PABIR1: variants seen among roughly 807,000 people sequenced by gnomAD.
PABIR1 encodes the protein PPP2R1A-PPP2R2A-interacting phosphatase regulator 1.
A neutral mutation model predicts 14.6 loss-of-function variants in PABIR1; 2 were observed. The observed-to-expected ratio is 0.14, with a 90% CI of 0.06 to 0.43. PABIR1 has a LOEUF of 0.43. Ranked by LOEUF, PABIR1 falls within the 20% of genes least tolerant of loss-of-function variation. PABIR1 has a pLI of 0.99. For synonymous variants in PABIR1, 163 were observed against 155.4 expected (o/e 1.05, Z -0.36); for missense variants, 294 against 379.0 (o/e 0.78, Z 1.86).
rs77756939 is a variant in PABIR1, at chr9:68,780,954, A to G, written c.790A>G (p.Thr264Ala). Residue 264 changes from threonine (T) to alanine (A), a missense_variant, in exon 1 of 1, where the codon ACC becomes GCC. Thr to Ala is a moderately conservative substitution (Grantham distance 58, BLOSUM62 0). Around this residue, in one of 3 missense-constraint regions of PABIR1, gnomAD observed 95 missense variants for 100.8 expected, o/e 0.94. Coordinates refer to ENST00000394264, the MANE Select transcript of PABIR1 (RefSeq NM_138333.5). Reference sequence around the variant, plus strand: ...TAACTCACCAGCGAAAGTCAGCACTACCACCGACTCTCCTGTGTCACCTGC... The same window carrying G: ...TAACTCACCAGCGAAAGTCAGCACTGCCACCGACTCTCCTGTGTCACCTGC... ...SCNSPAKVST[T>A]TDSPVSPAQA... 1.9e-6 allele frequency: 3 copies of G among 1,613,830 alleles called. No individual in the cohort carries two copies. Among genetic ancestry groups the G allele is most frequent in the Non-Finnish European group, 2.5e-6 (3 of 1,179,858 alleles).
Position 68,783,831 on chromosome 9 carries a change from G to A in PABIR1, c.*2803G>A, listed in dbSNP as rs1157551154. On this transcript the variant is annotated 3_prime_UTR_variant, in exon 1 of 1. Coordinates refer to ENST00000394264, the MANE Select transcript of PABIR1 (RefSeq NM_138333.5). The stretch of plus-strand genomic sequence containing the variant: ...CCATTCATTCTCCATACAGCAACTA[G>A]AGTCATTCTTTTAAAATTGCGGACC... 6.0e-6 allele frequency: 1 copy of A among 167,052 alleles called. No individual in the cohort carries two copies. Among genetic ancestry groups the A allele is most frequent in the East Asian group, 1.9e-4 (1 of 5,206 alleles). The allele number at this position is 167,052 out of a possible 1,614,324, so 10.3% of individuals were successfully genotyped here. A position where few individuals can be genotyped will look rare whatever the true frequency, so the allele number is the denominator to read the frequency against.
In PABIR1 at chr9:68,780,391, C is replaced by G. The variant is rs150215109; in HGVS notation, c.227C>G (p.Ser76Cys). Residue 76 changes from serine to cysteine, a missense_variant, in exon 1 of 1, where the codon TCC (serine) becomes TGC (cysteine). By Grantham distance (112) the Ser-to-Cys change is moderately radical. This residue lies in a region of PABIR1 where 103 missense variants were observed against 175.9 expected (regional missense o/e 0.59). Coordinates refer to ENST00000394264, the MANE Select transcript of PABIR1 (RefSeq NM_138333.5). ...CGCCACGGCCTGCTGCTGCCGGCCT[C>G]CCCTGTCCGCATGCACAGCAGCCGC... Reference protein sequence around the residue: ...PSRHGLLLPASPVRMHSSRLH... With the variant: ...PSRHGLLLPACPVRMHSSRLH... The G allele has an allele frequency of 6.2e-7, 1 of 1,613,874 alleles. No individual in the cohort carries two copies. The highest frequency in any genetic ancestry group is 8.5e-7 in the Non-Finnish European group (1 of 1,180,040).
Position 68,782,016 on chromosome 9 carries a change from C to T in PABIR1, c.*988C>T, listed in dbSNP as rs1251326376. On this transcript the variant is annotated 3_prime_UTR_variant, in exon 1 of 1. Coordinates refer to ENST00000394264, the MANE Select transcript of PABIR1 (RefSeq NM_138333.5). The stretch of plus-strand genomic sequence containing the variant: ...AGAAATTATTGCCAAACAGGAGCCA[C>T]AGCAATTTTTGGCTACTTTTCTGCT... 1 of 167,036 alleles carries T rather than the reference C, an allele frequency of 6.0e-6. No individual in the cohort carries two copies. Among genetic ancestry groups the T allele is most frequent in the Non-Finnish European group, 1.5e-5 (1 of 68,110 alleles). The allele number at this position is 167,036 out of a possible 1,614,324, so 10.3% of individuals were successfully genotyped here. A position where few individuals can be genotyped will look rare whatever the true frequency, so the allele number is the denominator to read the frequency against.
rs1831562993 is a variant in PABIR1, at chr9:68,785,555, A to T, written c.*4527A>T. Reference sequence around the variant, plus strand: ...TATAAAAAGTAATAAAATACTTGCTATGTGTCAGGGACTGTTCTAAGTGCT... The same window carrying T: ...TATAAAAAGTAATAAAATACTTGCTTTGTGTCAGGGACTGTTCTAAGTGCT... On this transcript the variant is annotated 3_prime_UTR_variant, in exon 1 of 1. Transcript: ENST00000394264. Among the ~76,000 whole-genome samples, 1 of 152,216 alleles carries T rather than the reference A, an allele frequency of 6.6e-6. No homozygotes were observed. The highest frequency in any genetic ancestry group is 2.1e-4 in the South Asian group (1 of 4,836).
Position 68,783,609 on chromosome 9 carries a change from A to T in PABIR1, c.*2581A>T, listed in dbSNP as rs1027417323. On this transcript the variant is annotated 3_prime_UTR_variant, in exon 1 of 1. Transcript: ENST00000394264. ...TATAAATGCAGGAAACCAACATGTC[A>T]TTGACACCTCTCTTCTTTACTTTTC... 6.0e-6 allele frequency: 1 copy of T among 166,964 alleles called. No individual in the cohort carries two copies. Among genetic ancestry groups the T allele is most frequent in the African/African-American group, 2.4e-5 (1 of 41,448 alleles). 10.3% of individuals were successfully genotyped at this position (166,964 alleles called of 1,614,324 possible).
rs1451637648 is a variant in PABIR1 at position 68,784,161 on chromosome 9, A to T, written c.*3133A>T. 1.8e-5 allele frequency: 3 copies of T among 167,098 alleles called. No individual in the cohort carries two copies. Among genetic ancestry groups the T allele is most frequent in the Non-Finnish European group, 4.4e-5 (3 of 68,122 alleles). The allele number at this position is 167,098 out of a possible 1,614,324, so 10.4% of individuals were successfully genotyped here. ...TAAGGGCATGTGGACAATTTACGTT[A>T]TCATAGTATTGTTCATAACGTCCAT... is the stretch of plus-strand genomic sequence containing the variant. On this transcript the variant is annotated 3_prime_UTR_variant, in exon 1 of 1. Coordinates refer to ENST00000394264, the MANE Select transcript of PABIR1 (RefSeq NM_138333.5).
In PABIR1 at chr9:68,783,099, A is replaced by G. The variant is rs1013090832; in HGVS notation, c.*2071A>G. On this transcript the variant is annotated 3_prime_UTR_variant, in exon 1 of 1. Coordinates refer to ENST00000394264, the MANE Select transcript of PABIR1 (RefSeq NM_138333.5). ...CAGTCTTTATACTGCCTCTTGAGTAATCTTTCTGAAATTTAAACTTGATAT... is the reference window on the plus strand; with the variant it reads ...CAGTCTTTATACTGCCTCTTGAGTAGTCTTTCTGAAATTTAAACTTGATAT... 1.8e-4 allele frequency: 30 copies of G among 166,884 alleles called. No homozygotes were observed. The highest frequency in any genetic ancestry group is 7.2e-4 in the African/African-American group (30 of 41,400). The allele number at this position is 166,884 out of a possible 1,614,324, so 10.3% of individuals were successfully genotyped here.
Position 68,780,248 on chromosome 9 carries a change from C to T in PABIR1, c.84C>T (p.Gly28=). 1 of 1,543,022 alleles carries T rather than the reference C, an allele frequency of 6.5e-7. No homozygotes were observed. The change falls in exon 1 of 1, where the codon GGC becomes GGT. Residue 28 remains glycine (G), a synonymous_variant. Transcript: ENST00000394264. ...GSPAEGGGSG[G]GGGLRRSNSA... is the part of the protein sequence containing the mutation. Reference sequence around the variant, plus strand: ...CGGCGGAGGGCGGTGGCAGCGGCGGCGGCGGGGGCCTCAGGAGGTCTAACA... The same window carrying T: ...CGGCGGAGGGCGGTGGCAGCGGCGGTGGCGGGGGCCTCAGGAGGTCTAACA...
rs1237119418 is a variant in PABIR1, at chr9:68,783,788, C to T, written c.*2760C>T. 1.2e-5 allele frequency: 2 copies of T among 167,044 alleles called. No individual in the cohort carries two copies. The highest frequency in any genetic ancestry group is 4.8e-5 in the African/African-American group (2 of 41,468). The allele number at this position is 167,044 out of a possible 1,614,324, so 10.3% of individuals were successfully genotyped here. A position where few individuals can be genotyped will look rare whatever the true frequency, so the allele number is the denominator to read the frequency against. On this transcript the variant is annotated 3_prime_UTR_variant, in exon 1 of 1. Coordinates refer to ENST00000394264, the MANE Select transcript of PABIR1 (RefSeq NM_138333.5). ...CTAACTCCCACTTGTGCTCCTCACA[C>T]TCACTCTGGTCGGCTATCCATTCAT... is the stretch of plus-strand genomic sequence containing the variant.
rs1831320125 is a variant in PABIR1 at position 68,782,044 on chromosome 9, G to A, written c.*1016G>A. The A allele has an allele frequency of 6.0e-6, 1 of 167,050 alleles. No homozygotes were observed. The highest frequency in any genetic ancestry group is 1.5e-5 in the Non-Finnish European group (1 of 68,118). The allele number at this position is 167,050 out of a possible 1,614,324, so 10.3% of individuals were successfully genotyped here. The stretch of plus-strand genomic sequence containing the variant: ...CAATTTTTGGCTACTTTTCTGCTCT[G>A]CCCATCTGTCACCTTACTGGTTTTC... On this transcript the variant is annotated 3_prime_UTR_variant, in exon 1 of 1. Coordinates refer to ENST00000394264, the MANE Select transcript of PABIR1 (RefSeq NM_138333.5).
Position 68,784,051 on chromosome 9 carries a change from T to C in PABIR1, c.*3023T>C, listed in dbSNP as rs1261404535. On this transcript the variant is annotated 3_prime_UTR_variant, in exon 1 of 1. Transcript: ENST00000394264. Reference sequence around the variant, plus strand: ...ACATCATGTTCTCTCCTATTTTAGATCCTTTTCCCCGAAGGTATGGAAACA... The same window carrying C: ...ACATCATGTTCTCTCCTATTTTAGACCCTTTTCCCCGAAGGTATGGAAACA... The C allele has an allele frequency of 6.0e-6, 1 of 167,146 alleles. No homozygotes were observed. Among genetic ancestry groups the C allele is most frequent in the Non-Finnish European group, 1.5e-5 (1 of 68,132 alleles). The allele number at this position is 167,146 out of a possible 1,614,324, so 10.4% of individuals were successfully genotyped here. A position where few individuals can be genotyped will look rare whatever the true frequency, so the allele number is the denominator to read the frequency against.
rs752196730 is a variant in PABIR1 at position 68,782,416 on chromosome 9, A to C, written c.*1388A>C. The C allele has an allele frequency of 6.0e-6, 1 of 166,834 alleles. No homozygotes were observed. The highest frequency in any genetic ancestry group is 2.1e-4 in the South Asian group (1 of 4,832). The allele number at this position is 166,834 out of a possible 1,614,324, so 10.3% of individuals were successfully genotyped here. ...AAAATGTTTAATAAGAATAGCAAAA[A>C]TTTTTTTATATTATGCATCCTTATA... On this transcript the variant is annotated 3_prime_UTR_variant, in exon 1 of 1. Coordinates refer to ENST00000394264, the MANE Select transcript of PABIR1 (RefSeq NM_138333.5).
rs1414285515 is a variant in PABIR1 at position 68,785,173 on chromosome 9, G to C, written c.*4145G>C. 6.6e-6 allele frequency among the ~76,000 whole-genome samples: 1 copy of C among 152,204 alleles called. No individual in the cohort carries two copies. The highest frequency in any genetic ancestry group is 1.5e-5 in the Non-Finnish European group (1 of 68,028). On this transcript the variant is annotated 3_prime_UTR_variant, in exon 1 of 1. Transcript: ENST00000394264. ...TTAAGTGGGTACTAGGTAAAGCCCA[G>C]TGTGTGAAGTAGTTAAGGGTTCTGC... is the stretch of plus-strand genomic sequence containing the variant.
At position 68,780,265 on chromosome 9, in the gene PABIR1, G is replaced by A; in HGVS notation, c.101G>A (p.Arg34Lys). 6.4e-7 allele frequency: 1 copy of A among 1,565,796 alleles called. No individual in the cohort carries two copies. Among genetic ancestry groups the A allele is most frequent in the Non-Finnish European group, 8.6e-7 (1 of 1,160,008 alleles). Residue 34 changes from arginine to lysine, a missense_variant, in exon 1 of 1, where the codon AGG becomes AAG. Coordinates refer to ENST00000394264, the MANE Select transcript of PABIR1 (RefSeq NM_138333.5). ...GGSGGGGGLR[R>K]SNSAPLIHGL... The stretch of plus-strand genomic sequence containing the variant: ...AGCGGCGGCGGCGGGGGCCTCAGGA[G>A]GTCTAACAGCGCCCCCCTGATCCAC...
rs1831386337 is a variant in PABIR1, at chr9:68,783,002, CTGT to C, written c.*1977_*1979del. ...ATCTCAAATTTCTTCCCTTCTCTAT[CTGT>C]TGCCCCTGATTTTGCCTTAAGTTCT... On this transcript the variant is annotated 3_prime_UTR_variant, in exon 1 of 1. Coordinates refer to ENST00000394264, the MANE Select transcript of PABIR1 (RefSeq NM_138333.5). The C allele has an allele frequency of 6.0e-6, 1 of 167,146 alleles. No individual in the cohort carries two copies. Among genetic ancestry groups the C allele is most frequent in the Non-Finnish European group, 1.5e-5 (1 of 68,154 alleles). The allele number at this position is 167,146 out of a possible 1,614,324, so 10.4% of individuals were successfully genotyped here.
Position 68,785,397 on chromosome 9 carries a change from C to A in PABIR1, c.*4369C>A, listed in dbSNP as rs1831552235. On this transcript the variant is annotated 3_prime_UTR_variant, in exon 1 of 1. Coordinates refer to ENST00000394264, the MANE Select transcript of PABIR1 (RefSeq NM_138333.5). ...GCTGTTAGAGAATCAGGGCTGAAGG[C>A]AAGCCTTGAGTGCCACTTACTTGGT... 2.0e-5 allele frequency among the ~76,000 whole-genome samples: 3 copies of A among 152,148 alleles called. No individual in the cohort carries two copies. The South Asian group carries it at 6.2e-4, about 32-fold the overall frequency.
chr9:68,781,677 A>G lies in PABIR1; in HGVS notation c.*649A>G, dbSNP rs1831290498. 6.0e-6 allele frequency: 1 copy of G among 166,804 alleles called. No homozygotes were observed. The highest frequency in any genetic ancestry group is 1.5e-5 in the Non-Finnish European group (1 of 68,116). 10.3% of individuals were successfully genotyped at this position (166,804 alleles called of 1,614,324 possible). On this transcript the variant is annotated 3_prime_UTR_variant, in exon 1 of 1. Transcript: ENST00000394264. Reference sequence around the variant, plus strand: ...TAAACTTTTAAGAAAAACATTTTTAATGAGATTTTAATAGTAATTCTAGTC... The same window carrying G: ...TAAACTTTTAAGAAAAACATTTTTAGTGAGATTTTAATAGTAATTCTAGTC...
Position 68,780,087 on chromosome 9 carries a change from C to A in PABIR1, c.-78C>A. On this transcript the variant is annotated 5_prime_UTR_variant, in exon 1 of 1. Transcript: ENST00000394264. ...GACAGATTCTCGGTGGCGGCGGCAG[C>A]GGCGGCGGCCCTGGACTGCGGGGAA... 7.1e-7 allele frequency: 1 copy of A among 1,411,348 alleles called. No individual in the cohort carries two copies. The highest frequency in any genetic ancestry group is 2.6e-5 in the East Asian group (1 of 37,774). 87.4% of individuals were successfully genotyped at this position (1,411,348 alleles called of 1,614,324 possible).
Position 68,781,024 on chromosome 9 carries a change from A to G in PABIR1, c.860A>G (p.Lys287Arg). 1.2e-6 allele frequency: 2 copies of G among 1,611,986 alleles called. No individual in the cohort carries two copies. The highest frequency in any genetic ancestry group is 1.7e-4 in the Middle Eastern group (1 of 6,054). Residue 287 changes from lysine (K) to arginine (R), a missense_variant, in exon 1 of 1, where the codon AAG becomes AGG. This residue lies in a region of PABIR1 where 95 missense variants were observed against 100.8 expected (regional missense o/e 0.94). Transcript: ENST00000394264. The stretch of plus-strand genomic sequence containing the variant: ...ATTCCACTAGATGAACTTTCGTCTA[A>G]GTGATTCACTCATCCTGAGACTTTC... ...PFIPLDELSS[K>R] is the part of the protein sequence containing the mutation.
Sources: gnomAD v4.1 joint callset for allele counts (sites outside exome capture counted in the v4.1 genomes callset) on GRCh38, gnomAD v4.1.1 for gene constraint, gnomAD v4.1.1 regional missense constraint, MANE v1.5 for transcripts, NCBI Gene and HGNC (gene_info 2026-07-23, HGNC 2026-07-21) for gene names.